Variants in PPP2CB observed in about 807,000 individuals in gnomAD.
The protein encoded by PPP2CB is serine/threonine-protein phosphatase 2A catalytic subunit beta isoform.
Under a neutral mutation model 39.1 loss-of-function variants are expected in PPP2CB, and 18 were observed. That is an observed-to-expected ratio of 0.46 (90% CI 0.32 to 0.68). PPP2CB has a LOEUF of 0.68. Among genes scored for constraint, PPP2CB ranks in the 30% least tolerant of loss-of-function variants. The pLI is 0.04. For synonymous variants in PPP2CB, 129 were observed against 133.8 expected (o/e 0.96, Z 0.25); for missense variants, 226 against 396.9 (o/e 0.57, Z 3.66).
intron 1 of PPP2CB, among the ~76,000 whole-genome samples, chr8:30,803,904 C>A (rs1806673304): frequency 6.6e-6 from 1 of 151,654 alleles, no homozygotes; most frequent in African/African-American, 2.4e-5. Context: ...CTCACTGCAA[C>A]CTCCGCCTCC....
chr8:30,802,901 C>T (rs952446896), intron 1 of PPP2CB, among the ~76,000 whole-genome samples: 47 of 152,124 alleles, frequency 3.1e-4, no homozygotes, highest in African/African-American at 1.1e-3. Context: ...CAAAAGTACA[C>T]GGAAGAACCG....
At chr8:30,806,947 A>C (rs1248708096) in intron 1 of PPP2CB, among the ~76,000 whole-genome samples, 2 of 152,260 alleles carry the variant, frequency 1.3e-5, no homozygotes, top group African/African-American at 4.8e-5. Context: ...TTGACACGTC[A>C]TATATAAAGT....
At position 30,799,643 on chromosome 8, in the gene PPP2CB, C is replaced by G. The variant is rs1434395293; in HGVS notation, c.215G>C (p.Gly72Ala). The change falls in exon 2 of 7, where the codon GGT becomes GCT. Residue 72 changes from glycine (G) to alanine (A), a missense_variant. By Grantham distance (60) the Gly-to-Ala change is moderately conservative. This residue lies in a region of PPP2CB where 110 missense variants were observed against 244.1 expected (regional missense o/e 0.45). Coordinates refer to ENST00000221138, the MANE Select transcript of PPP2CB (RefSeq NM_001009552.2). ...FHDLMELFRIGGKSPDTNYLF... is the reference protein window; with the variant it reads ...FHDLMELFRIAGKSPDTNYLF... ...GTAGTTTGTATCCGGTGATTTTCCA[C>G]CAATTCTAAAGAGTTCCATAAGATC... 1 of 1,613,920 alleles carries G rather than the reference C, an allele frequency of 6.2e-7. No homozygotes were observed. Among genetic ancestry groups the G allele is most frequent in the South Asian group, 1.1e-5 (1 of 91,090 alleles).
chr8:30,790,379 T>C (rs1467443227), intron 6 of PPP2CB, among the ~76,000 whole-genome samples: 1 of 152,218 alleles, frequency 6.6e-6, no homozygotes, highest in Non-Finnish European at 1.5e-5. Flanking sequence ...CTCTTTTGTA[T>C]GTTGCTCCTA....
At position 30,806,188 on chromosome 8, in the gene PPP2CB, C is replaced by T. The variant is rs1806722432; in HGVS notation, c.102+6132G>A. On this transcript the variant is annotated intron_variant, in intron 1 of 6. Transcript: ENST00000221138. ...TCAGCCTCCCGAGTAGCTGGGCCTA[C>T]AGGCGCCTGCCACCACGCCTGGCTG... 1.3e-5 allele frequency among the ~76,000 whole-genome samples: 2 copies of T among 151,670 alleles called. 1 individual carries two copies. Among genetic ancestry groups the T allele is most frequent in the African/African-American group, 4.8e-5 (2 of 41,238 alleles).
chr8:30,799,828 G>A, intron 1 of PPP2CB, 73 bp from the exon 2 acceptor site: 1 of 1,361,542 alleles, frequency 7.3e-7, no homozygotes, highest in Non-Finnish European at 1.0e-6. Context: ...AAAATTTGGG[G>A]AAAAAAACAC....
chr8:30,792,617 G>A (rs960056692), intron 5 of PPP2CB, among the ~76,000 whole-genome samples: 25 of 145,896 alleles, frequency 1.7e-4, no homozygotes, highest in Non-Finnish European at 3.5e-4. Context: ...CTAACTTTTT[G>A]ACTTTTTTTT....
Position 30,812,350 on chromosome 8 carries a change from G to C in PPP2CB, c.72C>G (p.Asn24Lys), listed in dbSNP as rs1475843786. 16 of 1,554,522 alleles carry C rather than the reference G, an allele frequency of 1.0e-5. No homozygotes were observed. Among genetic ancestry groups the C allele is most frequent in the Non-Finnish European group, 1.4e-5 (16 of 1,147,206 alleles). Residue 24 changes from asparagine to lysine, a missense_variant, in exon 1 of 7, where the codon AAC becomes AAG. By Grantham distance (94) the Asn-to-Lys change is moderately conservative. Coordinates refer to ENST00000221138, the MANE Select transcript of PPP2CB (RefSeq NM_001009552.2). ...VEQLNECKQLNENQVRTLCEK... is the reference protein window; with the variant it reads ...VEQLNECKQLKENQVRTLCEK... ...CGCACAGCGTCCGCACTTGGTTCTC[G>C]TTCAGCTGCTTACACTCGTTCAGCT...
chr8:30,809,100 G>A (rs1160591054), intron 1 of PPP2CB, among the ~76,000 whole-genome samples: 2 of 150,448 alleles, frequency 1.3e-5, no homozygotes, highest in Non-Finnish European at 3.0e-5. Flanking sequence ...TTTTAGTAGA[G>A]GCAGAGTTTT....
At chr8:30,808,604 T>C (rs1194357713) in intron 1 of PPP2CB, among the ~76,000 whole-genome samples, 2 of 152,236 alleles carry the variant, frequency 1.3e-5, no homozygotes, top group Non-Finnish European at 2.9e-5. Flanking sequence ...TCTTTCTACA[T>C]GCCTGCTACT....
At chr8:30,791,386 A>C in intron 5 of PPP2CB, 71 bp from the exon 6 acceptor site, 1 of 1,164,076 alleles carries the variant, frequency 8.6e-7, no homozygotes, top group Non-Finnish European at 1.3e-6. Context: ...TTTAAAAAAA[A>C]CTAAACTCAA....
At chr8:30,787,442 G>A (rs988170606) in intron 6 of PPP2CB, among the ~76,000 whole-genome samples, 1 of 152,166 alleles carries the variant, frequency 6.6e-6, no homozygotes. Context: ...CTGGGCTCAG[G>A]TGATCCTCCC....
chr8:30,802,040 T>C (rs1029609533), intron 1 of PPP2CB, among the ~76,000 whole-genome samples: 7 of 152,240 alleles, frequency 4.6e-5, no homozygotes, highest in Admixed American at 4.6e-4. Context: ...CTTTTGATTC[T>C]AGGCTACCAT....
At chr8:30,797,513 C>T (rs2128761375) in intron 3 of PPP2CB, 68 bp downstream of exon 3, 1 of 1,441,220 alleles carries the variant, frequency 6.9e-7, no homozygotes, top group Non-Finnish European at 9.4e-7. Flanking sequence ...ATCTAGACCC[C>T]AGCTTACCAA....
intron 6 of PPP2CB, among the ~76,000 whole-genome samples, chr8:30,787,917 G>A (rs1313154344): frequency 6.6e-6 from 1 of 152,126 alleles, no homozygotes; most frequent in Non-Finnish European, 1.5e-5. Context: ...TCTTGAGTCA[G>A]TTTCAGTAGT....
intron 3 of PPP2CB, among the ~76,000 whole-genome samples, chr8:30,797,134 A>G (rs1459754103): frequency 6.6e-6 from 1 of 152,160 alleles, no homozygotes. Flanking sequence ...GTGCCCAGCC[A>G]AGCATTCACT....
rs1806329899 is a variant in PPP2CB, at chr8:30,785,829, G to A, written c.*406C>T. ...CATTTCAATAAAATAAAGGATAATGGATTAGTGGAAGTTAGCTTGTGAATT... is the reference window on the plus strand; with the variant it reads ...CATTTCAATAAAATAAAGGATAATGAATTAGTGGAAGTTAGCTTGTGAATT... On this transcript the variant is annotated 3_prime_UTR_variant, in exon 7 of 7. Transcript: ENST00000221138. 4 of 325,666 alleles carry A rather than the reference G, an allele frequency of 1.2e-5. No individual in the cohort carries two copies. Among genetic ancestry groups the A allele is most frequent in the South Asian group, 1.0e-4 (4 of 39,460 alleles). 20.2% of individuals were successfully genotyped at this position (325,666 alleles called of 1,614,324 possible).
intron 1 of PPP2CB, among the ~76,000 whole-genome samples, chr8:30,802,957 T>C (rs1307454940): frequency 1.3e-5 from 2 of 152,230 alleles, no homozygotes; most frequent in African/African-American, 4.8e-5. Flanking sequence ...ACTCCAAATA[T>C]GCAGCCAGGA....
chr8:30,791,450 C>T (rs1806426935), intron 5 of PPP2CB, 135 bp from the exon 6 acceptor site: 1 of 653,952 alleles, frequency 1.5e-6, no homozygotes, highest in African/African-American at 1.9e-5. Flanking sequence ...TATATAAGGT[C>T]TCCATCTTTA....
Sources: allele counts gnomAD v4.1 joint callset (sites outside exome capture counted in the v4.1 genomes callset), GRCh38; gene constraint gnomAD v4.1.1; regional missense constraint gnomAD v4.1.1; transcripts MANE v1.5; gene names NCBI Gene and HGNC (gene_info 2026-07-23, HGNC 2026-07-21).